ANXA8: variants seen among roughly 807,000 people sequenced by gnomAD.
The protein encoded by ANXA8 is VAC-beta.
In ANXA8, 9 loss-of-function variants were observed where a neutral mutation model predicts 26.8. The ratio of observed to expected loss-of-function variants is 0.34; its 90% CI spans 0.20 to 0.59. ANXA8 has a LOEUF of 0.59. ANXA8 is among the 20% of genes least tolerant of loss of function. ANXA8 has a pLI of 0.84. For missense variants in ANXA8, 83 were observed against 238.5 expected, an observed-to-expected ratio of 0.35 and a Z score of 4.29; for synonymous variants, 39 against 94.8, an observed-to-expected ratio of 0.41 and a Z score of 3.42.
At chr10:47,987,029 C>T in the ANXA8 span, 40 of 542,972 alleles carry the variant, frequency 7.4e-5, 1 homozygote, top group African/African-American at 1.5e-4. Flanking sequence ...AGGGGCCGTC[C>T]GGGGAGCACA....
chr10:47,685,494 C>G, the ANXA8 span, among the ~76,000 whole-genome samples: 1 of 151,868 alleles, frequency 6.6e-6, no homozygotes, highest in East Asian at 1.9e-4. Context: ...CTACTATCTT[C>G]CCCTGCCTAG....
At chr10:47,528,166 G>C in the ANXA8 span, among the ~76,000 whole-genome samples, 2 of 135,268 alleles carry the variant, frequency 1.5e-5, no homozygotes, top group South Asian at 4.8e-4. Context: ...TGCAACCTCT[G>C]CCTCCTGGGT....
At chr10:47,645,435 T>G in the ANXA8 span, among the ~76,000 whole-genome samples, 2 of 148,158 alleles carry the variant, frequency 1.3e-5, no homozygotes, top group Non-Finnish European at 3.0e-5. Context: ...TCTCACCTCA[T>G]AGTAGTCATA....
the ANXA8 span, among the ~76,000 whole-genome samples, chr10:47,562,961 C>A: frequency 7.3e-6 from 1 of 137,092 alleles, no homozygotes; most frequent in African/African-American, 2.8e-5. Context: ...CCAGGCATAG[C>A]GGCTCATCCC....
chr10:47,502,278 C>A, the ANXA8 span: 1 of 1,599,082 alleles, frequency 6.3e-7, no homozygotes, highest in Non-Finnish European at 8.5e-7. Context: ...CCCCACAGGT[C>A]TCGTTCACCT....
At chr10:47,746,907 T>C in the ANXA8 span, among the ~76,000 whole-genome samples, 6 of 118,586 alleles carry the variant, frequency 5.1e-5, no homozygotes, top group Admixed American at 9.1e-5. Context: ...AATCACTCTC[T>C]GCTGAGAATC....
chr10:47,651,786 T>A, the ANXA8 span, among the ~76,000 whole-genome samples: 2 of 151,966 alleles, frequency 1.3e-5, no homozygotes, highest in South Asian at 2.1e-4. Context: ...TCCAGCTACT[T>A]GGGAGGCTGA....
chr10:47,703,699 G>A, the ANXA8 span, among the ~76,000 whole-genome samples: 1 of 151,396 alleles, frequency 6.6e-6, no homozygotes, highest in South Asian at 2.1e-4. Flanking sequence ...TGAGGAGAGA[G>A]AGCATTGCAT....
chr10:47,484,358 A>G (rs1379385538), upstream of ANXA8: 13 of 785,180 alleles, frequency 1.7e-5, no homozygotes, highest in Non-Finnish European at 1.0e-5. Flanking sequence ...TGCTGGGATT[A>G]CAGGCATGAG....
upstream of ANXA8, among the ~76,000 whole-genome samples, chr10:47,487,859 T>C (rs1840074426): frequency 6.7e-6 from 1 of 150,022 alleles, no homozygotes. Flanking sequence ...TTTTTTGTCA[T>C]AGTTCTAAAG....
At chr10:47,630,316 C>G in the ANXA8 span, among the ~76,000 whole-genome samples, 1 of 149,208 alleles carries the variant, frequency 6.7e-6, no homozygotes, top group East Asian at 1.9e-4. Context: ...TTAAGTCATT[C>G]ACAGGTTTGT....
the ANXA8 span, among the ~76,000 whole-genome samples, chr10:47,673,066 A>T: frequency 1.3e-5 from 2 of 149,730 alleles, no homozygotes; most frequent in South Asian, 2.1e-4. Context: ...ACATTTTTTT[A>T]AAATCAGATT....
the ANXA8 span, among the ~76,000 whole-genome samples, chr10:47,650,219 A>AAAAG: frequency 8.1e-5 from 12 of 148,144 alleles, no homozygotes; most frequent in Non-Finnish European, 7.4e-5. Context: ...AAAAAAAAAA[A>AAAAG]AAAGAAAGAA....
the ANXA8 span, among the ~76,000 whole-genome samples, chr10:47,687,367 C>T: frequency 1.3e-5 from 2 of 151,130 alleles, no homozygotes; most frequent in African/African-American, 2.4e-5. Context: ...TGGGTTCAAG[C>T]GATTCTCCTG....
At chr10:47,745,431 GA>G in the ANXA8 span, among the ~76,000 whole-genome samples, 1 of 149,896 alleles carries the variant, frequency 6.7e-6, no homozygotes, top group Non-Finnish European at 1.5e-5. Context: ...GATGAGACTA[GA>G]AAGCAGAAAG....
chr10:47,982,777 G>T, the ANXA8 span, among the ~76,000 whole-genome samples: 2 of 107,444 alleles, frequency 1.9e-5, no homozygotes, highest in African/African-American at 6.6e-5. Context: ...GCAACCCACA[G>T]AATGGGAAGA....
chr10:47,768,469 T>G, the ANXA8 span, among the ~76,000 whole-genome samples: 4 of 151,142 alleles, frequency 2.6e-5, no homozygotes, highest in Admixed American at 2.6e-4. Context: ...CAAAGGTGGC[T>G]GAGAACCTGC....
At chr10:47,942,287 A>G in the ANXA8 span, among the ~76,000 whole-genome samples, 1 of 145,968 alleles carries the variant, frequency 6.9e-6, no homozygotes, top group Non-Finnish European at 1.5e-5. Flanking sequence ...TCATTCCTGT[A>G]AGAGAGCTAC....
At chr10:47,943,944 G>T in the ANXA8 span, among the ~76,000 whole-genome samples, 3 of 147,832 alleles carry the variant, frequency 2.0e-5, no homozygotes, top group Non-Finnish European at 4.4e-5. Context: ...AGGCCTCCCC[G>T]TGGAGCAGTG....
Sources: gnomAD v4.1 joint callset for allele counts (sites outside exome capture counted in the v4.1 genomes callset) on GRCh38, gnomAD v4.1.1 for gene constraint, MANE v1.5 for transcripts, NCBI Gene and HGNC (gene_info 2026-07-23, HGNC 2026-07-21) for gene names.